The following NAALADL2 variants were observed in gnomAD, a reference collection of about 807,000 sequenced individuals.
The protein encoded by NAALADL2 is N-acetylated alpha-linked acidic dipeptidase like 2.
In NAALADL2, 76 loss-of-function variants were observed where a neutral mutation model predicts 87.2. The ratio of observed to expected loss-of-function variants is 0.87; its 90% CI spans 0.72 to 1.05. The LOEUF is 1.05. Among genes scored for constraint, NAALADL2 ranks in the 50% least tolerant of loss-of-function variants. NAALADL2 has a pLI of 0.00. For missense variants in NAALADL2, 1,089 were observed against 945.8 expected, an observed-to-expected ratio of 1.15 and a Z score of -1.99; for synonymous variants, 354 against 331.0, an observed-to-expected ratio of 1.07 and a Z score of -0.75.
At chr3:175,335,060 C>G (rs1761838868) in intron 5 of NAALADL2, among the ~76,000 whole-genome samples, 1 of 152,104 alleles carries the variant, frequency 6.6e-6, no homozygotes, top group African/African-American at 2.4e-5. Context: ...GCAGCTGAGA[C>G]AACAGGCTCT....
At chr3:174,882,767 A>G (rs1396700534) in intron 1 of NAALADL2, among the ~76,000 whole-genome samples, 16 of 143,918 alleles carry the variant, frequency 1.1e-4, no homozygotes, top group African/African-American at 3.6e-4. Context: ...ATATATACAC[A>G]CGTGTATATA....
chr3:175,587,615 A>G (rs1174152312), intron 10 of NAALADL2, among the ~76,000 whole-genome samples: 2 of 152,138 alleles, frequency 1.3e-5, no homozygotes, highest in Non-Finnish European at 2.9e-5. Context: ...CCTATTTAAC[A>G]TGATTGGGAA....
intron 11 of NAALADL2, among the ~76,000 whole-genome samples, chr3:175,736,861 C>A (rs1744568103): frequency 6.6e-6 from 1 of 152,106 alleles, no homozygotes; most frequent in Admixed American, 6.5e-5. Flanking sequence ...CCAAATGTGG[C>A]CTGTAGGTTA....
intron 1 of NAALADL2, among the ~76,000 whole-genome samples, chr3:174,464,032 A>C (rs1349999964): frequency 6.6e-6 from 1 of 152,206 alleles, no homozygotes; most frequent in Non-Finnish European, 1.5e-5. Context: ...TGGAAGTTAA[A>C]GGTAAACTTA....
At chr3:175,343,286 G>T (rs530258134) in intron 5 of NAALADL2, among the ~76,000 whole-genome samples, 1 of 151,826 alleles carries the variant, frequency 6.6e-6, no homozygotes, top group East Asian at 1.9e-4. Flanking sequence ...AAATGCTTTG[G>T]CATATATAGA....
chr3:174,507,942 G>C (rs1258427482), intron 1 of NAALADL2, among the ~76,000 whole-genome samples: 1 of 151,962 alleles, frequency 6.6e-6, no homozygotes, highest in African/African-American at 2.4e-5. Flanking sequence ...GTTGAAGTAA[G>C]TATATGTTTA....
rs575342355 is a variant in NAALADL2 at position 175,097,034 on chromosome 3, G to A, written c.288G>A (p.Arg96=). The A allele has an allele frequency of 3.3e-5, 54 of 1,613,510 alleles. No homozygotes were observed. Among genetic ancestry groups the A allele is most frequent in the Non-Finnish European group, 4.3e-5 (51 of 1,179,734 alleles). The change falls in exon 2 of 14, where the codon AGG becomes AGA. Residue 96 remains arginine (R), a synonymous_variant. Transcript: ENST00000454872. ...AACCAGCAACTTCACCCAAAGGAAGGTTCCAGAGACTTCAAGAAGAATCTG... is the reference window on the plus strand; with the variant it reads ...AACCAGCAACTTCACCCAAAGGAAGATTCCAGAGACTTCAAGAAGAATCTG... ...SIQPATSPKG[R]FQRLQEESDY...
chr3:175,519,850 T>C (rs1289350839), intron 9 of NAALADL2, among the ~76,000 whole-genome samples: 3 of 152,234 alleles, frequency 2.0e-5, no homozygotes, highest in Non-Finnish European at 4.4e-5. Flanking sequence ...ATCTTTTCTA[T>C]TATCTCTGAA....
At chr3:175,067,878 G>A (rs1044000038) in intron 1 of NAALADL2, among the ~76,000 whole-genome samples, 20 of 152,066 alleles carry the variant, frequency 1.3e-4, no homozygotes, top group Admixed American at 5.3e-4. Context: ...AGAAAATGTG[G>A]TATATATACA....
chr3:174,846,005 T>C (rs746351976), intron 3 of NAALADL2, among the ~76,000 whole-genome samples: 1 of 152,164 alleles, frequency 6.6e-6, no homozygotes, highest in Non-Finnish European at 1.5e-5. Flanking sequence ...TGGGGGTTTC[T>C]GCTCTGGAGC....
chr3:175,785,297 A>G lies in NAALADL2; in HGVS notation c.2190-17708A>G, dbSNP rs1242142927. ...TCTTGTTGATCTGTCTAAAGTTGAC[A>G]GTGGGGTGTTAAAGTCTCCCATTAT... On this transcript the variant is annotated intron_variant, in intron 13 of 13. Transcript: ENST00000454872. 8.6e-5 allele frequency among the ~76,000 whole-genome samples: 13 copies of G among 150,354 alleles called. No homozygotes were observed. The East Asian group carries it at 1.6e-3, about 18-fold the overall frequency.
At chr3:174,950,513 C>A (rs145176544) in intron 1 of NAALADL2, among the ~76,000 whole-genome samples, 124 of 152,172 alleles carry the variant, frequency 8.1e-4, no homozygotes, top group African/African-American at 2.9e-3. Context: ...ATCAAGTGAG[C>A]ACTATTTTTC....
intron 1 of NAALADL2, among the ~76,000 whole-genome samples, chr3:175,069,118 C>T (rs189623943): frequency 6.7e-6 from 1 of 149,674 alleles, no homozygotes. Flanking sequence ...CTTCATGTCT[C>T]AAACACCAAA....
chr3:175,137,755 C>T (rs1348073952), intron 2 of NAALADL2, among the ~76,000 whole-genome samples: 1 of 127,896 alleles, frequency 7.8e-6, no homozygotes, highest in African/African-American at 2.7e-5. Flanking sequence ...ACCGCCACCA[C>T]ACCCAGCTAA....
chr3:175,210,811 A>C (rs892233934), intron 2 of NAALADL2, among the ~76,000 whole-genome samples: 1 of 151,824 alleles, frequency 6.6e-6, no homozygotes, highest in Non-Finnish European at 1.5e-5. Flanking sequence ...TGTCATTTAA[A>C]AAATGTTTTA....
At chr3:174,931,932 C>CT (rs542931505) in intron 1 of NAALADL2, among the ~76,000 whole-genome samples, 16 of 152,162 alleles carry the variant, frequency 1.1e-4, no homozygotes, top group Non-Finnish European at 2.1e-4. Flanking sequence ...TTTTAGATAT[C>CT]TTTTCTCATG....
At chr3:174,979,107 C>A (rs1744756767) in intron 1 of NAALADL2, among the ~76,000 whole-genome samples, 1 of 151,944 alleles carries the variant, frequency 6.6e-6, no homozygotes, top group East Asian at 1.9e-4. Flanking sequence ...CTAAAATATT[C>A]TTCAGAATTT....
intron 1 of NAALADL2, among the ~76,000 whole-genome samples, chr3:175,045,358 T>G (rs916498366): frequency 6.6e-6 from 1 of 152,196 alleles, no homozygotes; most frequent in East Asian, 1.9e-4. Context: ...ATTTCTGTTT[T>G]ATCTCTGGGA....
At chr3:175,466,918 A>G (rs1389601072) in intron 7 of NAALADL2, 61 bp from the exon 8 acceptor site, 2 of 1,309,590 alleles carry the variant, frequency 1.5e-6, no homozygotes, top group Non-Finnish European at 1.1e-6. Flanking sequence ...TGTAAATGTC[A>G]TTAAATTTAT....
Sources: gnomAD v4.1 joint callset for allele counts (sites outside exome capture counted in the v4.1 genomes callset) on GRCh38, gnomAD v4.1.1 for gene constraint, MANE v1.5 for transcripts, NCBI Gene and HGNC (gene_info 2026-07-23, HGNC 2026-07-21) for gene names.